COG5: variants seen among roughly 807,000 people sequenced by gnomAD.
The protein encoded by COG5 is conserved oligomeric Golgi complex subunit 5.
In COG5, 86 loss-of-function variants were observed where a neutral mutation model predicts 110.4. The ratio of observed to expected loss-of-function variants is 0.78; its 90% CI spans 0.65 to 0.93. The LOEUF (loss-of-function observed/expected upper bound fraction) is 0.93, where lower values mean the gene tolerates loss of function less well. COG5 is among the 40% of genes least tolerant of loss of function. The probability of loss-of-function intolerance (pLI) is 0.00; values close to 1 mark genes in which losing one functional copy is unlikely to be tolerated. For missense variants in COG5, 1,077 were observed against 987.0 expected (o/e 1.09, Z -1.22); for synonymous variants, 360 against 334.6 (o/e 1.08, Z -0.83).
chr7:107,453,119 ATTTG>A (rs1795442125), intron 6 of COG5, among the ~76,000 whole-genome samples: 2 of 152,226 alleles, frequency 1.3e-5, no homozygotes, highest in Admixed American at 6.5e-5. Flanking sequence ...TGTAATGAAT[ATTTG>A]TTAAATGTTT....
chr7:107,518,283 G>A (rs1310277315), intron 6 of COG5, among the ~76,000 whole-genome samples: 1 of 152,150 alleles, frequency 6.6e-6, no homozygotes, highest in East Asian at 1.9e-4. Flanking sequence ...GCATCATGAT[G>A]ACAGGATCAA....
intron 2 of COG5, among the ~76,000 whole-genome samples, chr7:107,554,682 G>T (rs561889784): frequency 6.6e-6 from 1 of 152,114 alleles, no homozygotes; most frequent in African/African-American, 2.4e-5. Context: ...TCAAGGCATT[G>T]GCAAATTCAG....
At chr7:107,382,577 A>T (rs1815217213) in intron 7 of COG5, among the ~76,000 whole-genome samples, 1 of 152,132 alleles carries the variant, frequency 6.6e-6, no homozygotes, top group South Asian at 2.1e-4. Flanking sequence ...AGCTGGGAAT[A>T]TAGGTGCCCA....
intron 6 of COG5, among the ~76,000 whole-genome samples, chr7:107,454,188 G>A (rs910007903): frequency 6.6e-6 from 1 of 152,070 alleles, no homozygotes; most frequent in Non-Finnish European, 1.5e-5. Flanking sequence ...CCAATATGAT[G>A]AAACCACTTA....
At chr7:107,253,875 G>T (rs1252542314) in intron 16 of COG5, among the ~76,000 whole-genome samples, 1 of 152,040 alleles carries the variant, frequency 6.6e-6, no homozygotes, top group Non-Finnish European at 1.5e-5. Context: ...ACTTCCTTCA[G>T]ATTTTTGCCA....
At chr7:107,425,021 G>C (rs765307618) in intron 6 of COG5, among the ~76,000 whole-genome samples, 15 of 152,094 alleles carry the variant, frequency 9.9e-5, no homozygotes, top group Non-Finnish European at 1.9e-4. Context: ...AACCATTACT[G>C]TGCACAATGA....
intron 14 of COG5, among the ~76,000 whole-genome samples, chr7:107,267,022 G>A (rs1461340919): frequency 1.3e-5 from 2 of 152,182 alleles, no homozygotes; most frequent in Non-Finnish European, 2.9e-5. Flanking sequence ...TTATTAAAGA[G>A]ATGACAGCTT....
intron 19 of COG5, among the ~76,000 whole-genome samples, chr7:107,225,406 TA>T (rs747419874): frequency 6.6e-6 from 1 of 152,032 alleles, no homozygotes; most frequent in African/African-American, 2.4e-5. Flanking sequence ...GCAGAAAATT[TA>T]AAAAAAATAA....
At chr7:107,512,083 T>A (rs1267520838) in intron 6 of COG5, among the ~76,000 whole-genome samples, 4 of 152,138 alleles carry the variant, frequency 2.6e-5, no homozygotes, top group Non-Finnish European at 5.9e-5. Context: ...GGGTATTCAA[T>A]TAGGAAAATA....
chr7:107,511,618 T>C lies in COG5; in HGVS notation c.538+15619A>G, dbSNP rs1414302328. ...AAAAGAGAGTTTTAGACCAATATCCTTGATGAACGCTGATGCAAAAATCCT... is the reference window on the plus strand; with the variant it reads ...AAAAGAGAGTTTTAGACCAATATCCCTGATGAACGCTGATGCAAAAATCCT... On this transcript the variant is annotated intron_variant, in intron 6 of 21. Coordinates refer to ENST00000297135, the MANE Select transcript of COG5 (RefSeq NM_006348.5). Among the ~76,000 whole-genome samples the C allele has an allele frequency of 6.6e-5, 10 of 152,308 alleles. No individual in the cohort carries two copies. In the East Asian group the frequency reaches 1.5e-3, roughly 23 times the overall value.
At position 107,260,314 on chromosome 7, in the gene COG5, C is replaced by A. The variant is rs113791386; in HGVS notation, c.1576-1931G>T. ...GAAAACATTATTCTATGTGAAAAAA[C>A]CAACCATAAAAGCCACATATTAAAT... is the stretch of plus-strand genomic sequence containing the variant. On this transcript the variant is annotated intron_variant, in intron 14 of 21. Transcript: ENST00000297135. Among the ~76,000 whole-genome samples, 1,443 of 152,002 alleles carry A rather than the reference C, an allele frequency of 9.5e-3. 30 individuals are homozygous for A. Among genetic ancestry groups the A allele is most frequent in the African/African-American group, 0.033 (1,364 of 41,470 alleles).
At chr7:107,253,923 A>T (rs1369800009) in intron 16 of COG5, among the ~76,000 whole-genome samples, 1 of 152,076 alleles carries the variant, frequency 6.6e-6, no homozygotes, top group Non-Finnish European at 1.5e-5. Context: ...ATAAAATAGC[A>T]CTTTCCTTCC....
At chr7:107,324,547 T>A (rs1354481152) in intron 10 of COG5, 26 bp from the exon 11 acceptor site, 2 of 1,400,388 alleles carry the variant, frequency 1.4e-6, no homozygotes, top group East Asian at 2.3e-5. Flanking sequence ...AAAAATTTTT[T>A]AAAAATAAAA....
chr7:107,408,753 G>A (rs1332931087), intron 7 of COG5, among the ~76,000 whole-genome samples: 1 of 152,166 alleles, frequency 6.6e-6, no homozygotes. Flanking sequence ...TGCTGATCTA[G>A]ATCTTGTCAG....
intron 12 of COG5, among the ~76,000 whole-genome samples, chr7:107,291,329 A>T (rs1806153672): frequency 6.6e-6 from 1 of 152,114 alleles, no homozygotes; most frequent in Admixed American, 6.5e-5. Context: ...TGCCAGGTCA[A>T]AGCTATTCAC....
intron 6 of COG5, among the ~76,000 whole-genome samples, chr7:107,468,493 C>CT (rs1301542970): frequency 6.6e-6 from 1 of 151,852 alleles, no homozygotes; most frequent in Non-Finnish European, 1.5e-5. Context: ...TAGCAAGATC[C>CT]TTTTCCCCAA....
At chr7:107,519,929 T>TA (rs1377594528) in intron 6 of COG5, among the ~76,000 whole-genome samples, 1 of 152,092 alleles carries the variant, frequency 6.6e-6, no homozygotes, top group Non-Finnish European at 1.5e-5. Context: ...AGCAGCACAG[T>TA]AAAAAACTTA....
chr7:107,412,245 T>C (rs1306324554), intron 7 of COG5, among the ~76,000 whole-genome samples: 3 of 152,112 alleles, frequency 2.0e-5, no homozygotes, highest in Non-Finnish European at 4.4e-5. Context: ...TCTATCTATA[T>C]ATGCACATCA....
intron 19 of COG5, among the ~76,000 whole-genome samples, chr7:107,212,724 C>T (rs1467569780): frequency 1.3e-5 from 2 of 152,168 alleles, no homozygotes; most frequent in Non-Finnish European, 2.9e-5. Flanking sequence ...TATCCACAGA[C>T]AAGAACATCT....
Sources: gnomAD v4.1 joint callset for allele counts (sites outside exome capture counted in the v4.1 genomes callset) on GRCh38, gnomAD v4.1.1 for gene constraint, MANE v1.5 for transcripts, NCBI Gene and HGNC (gene_info 2026-07-23, HGNC 2026-07-21) for gene names.